The following PIK3C2A variants were observed in gnomAD, a reference collection of about 807,000 sequenced individuals.
The protein encoded by PIK3C2A is phosphatidylinositol 4-phosphate 3-kinase C2 domain-containing subunit alpha.
A neutral mutation model predicts 204.5 loss-of-function variants in PIK3C2A; 97 were observed. The ratio of observed to expected loss-of-function variants is 0.47; its 90% confidence interval spans 0.40 to 0.56. The LOEUF is 0.56. PIK3C2A is among the 20% of genes least tolerant of loss of function. PIK3C2A has a pLI of 0.00. For missense variants in PIK3C2A, 1,735 were observed against 1,969.2 expected (o/e 0.88, Z 2.25); for synonymous variants, 653 against 664.4 (o/e 0.98, Z 0.26).
intron 1 of PIK3C2A, among the ~76,000 whole-genome samples, chr11:17,205,601 A>G (rs1468381817): frequency 3.9e-5 from 6 of 151,932 alleles, no homozygotes; most frequent in African/African-American, 1.4e-4. Flanking sequence ...GAAATTCAAC[A>G]CTCTTTAGGT....
At chr11:17,154,206 G>A (rs1850512765) in intron 3 of PIK3C2A, among the ~76,000 whole-genome samples, 1 of 152,094 alleles carries the variant, frequency 6.6e-6, no homozygotes, top group Non-Finnish European at 1.5e-5. Context: ...TTCTCAACTT[G>A]CAAAGCTTAA....
chr11:17,113,358 G>A (rs1473649119), intron 20 of PIK3C2A, among the ~76,000 whole-genome samples: 14 of 152,050 alleles, frequency 9.2e-5, no homozygotes, highest in African/African-American at 2.9e-4. Context: ...AGAACACAAC[G>A]TCTTGTGATA....
intron 20 of PIK3C2A, among the ~76,000 whole-genome samples, chr11:17,113,334 C>T (rs551954724): frequency 6.6e-6 from 1 of 152,222 alleles, no homozygotes; most frequent in South Asian, 2.1e-4. Flanking sequence ...TTGTAAATGT[C>T]TTAATCCATC....
rs1299885133 is a variant in PIK3C2A at position 17,168,890 on chromosome 11, C to G, written c.852G>C (p.Val284=). 1.2e-6 allele frequency: 2 copies of G among 1,614,008 alleles called. No individual in the cohort carries two copies. Among genetic ancestry groups the G allele is most frequent in the Non-Finnish European group, 1.7e-6 (2 of 1,180,006 alleles). ...DPLSKPKVDN[V]EVLDHEEEKN... ...TCTCTTCCTCATGGTCTAATACCTC[C>G]ACATTATCCACCTTAGGCTTACTTA... is the stretch of plus-strand genomic sequence containing the variant. Residue 284 remains valine (V), a synonymous_variant, in exon 2 of 33, where the codon GTG becomes GTC. Coordinates refer to ENST00000691414, the MANE Select transcript of PIK3C2A (RefSeq NM_002645.4).
chr11:17,122,440 C>T, intron 14 of PIK3C2A, 107 bp from the exon 15 acceptor site: 1 of 708,788 alleles, frequency 1.4e-6, no homozygotes, highest in South Asian at 1.8e-5. Flanking sequence ...GGCATATTTA[C>T]ATTGAATATT....
At chr11:17,126,783 C>A (rs927253574) in intron 13 of PIK3C2A, among the ~76,000 whole-genome samples, 1 of 152,112 alleles carries the variant, frequency 6.6e-6, no homozygotes, top group Non-Finnish European at 1.5e-5. Flanking sequence ...TGGATGCAAA[C>A]TATTTAAATG....
intron 16 of PIK3C2A, 75 bp downstream of exon 16, chr11:17,119,711 G>A: frequency 1.2e-6 from 1 of 849,658 alleles, no homozygotes; most frequent in Non-Finnish European, 1.8e-6. Context: ...TAAAAGGAAA[G>A]GAAATACTTC....
intron 2 of PIK3C2A, among the ~76,000 whole-genome samples, chr11:17,162,464 C>A (rs1407423421): frequency 6.6e-6 from 1 of 152,148 alleles, no homozygotes; most frequent in Admixed American, 6.5e-5. Flanking sequence ...CCTAAACCTG[C>A]CTCCTAACAC....
chr11:17,100,353 A>C (rs1013421777), intron 25 of PIK3C2A, among the ~76,000 whole-genome samples: 1 of 150,630 alleles, frequency 6.6e-6, no homozygotes, highest in Non-Finnish European at 1.5e-5. Flanking sequence ...AGTTGGGATT[A>C]CAGATACGTA....
chr11:17,166,968 C>G (rs1210105466), intron 2 of PIK3C2A, among the ~76,000 whole-genome samples: 2 of 152,050 alleles, frequency 1.3e-5, no homozygotes, highest in Admixed American at 6.6e-5. Flanking sequence ...GTGCCTTCCC[C>G]CCAACTGCCC....
chr11:17,105,306 CT>C lies in PIK3C2A; in HGVS notation c.3545-2del. ...GAAGCAGGAACCAGCTCCACCATGCCTTTAATGATAAAATATTAAGCTATGT... is the reference window on the plus strand; with the variant it reads ...GAAGCAGGAACCAGCTCCACCATGCCTTAATGATAAAATATTAAGCTATGT... On this transcript the variant is annotated splice_acceptor_variant, in intron 22 of 32. Transcript: ENST00000691414. LOFTEE classifies it high-confidence loss of function. 6.2e-7 allele frequency: 1 copy of C among 1,603,806 alleles called. No homozygotes were observed. The highest frequency in any genetic ancestry group is 8.5e-7 in the Non-Finnish European group (1 of 1,176,280).
intron 6 of PIK3C2A, among the ~76,000 whole-genome samples, chr11:17,146,441 G>A (rs904689411): frequency 1.5e-4 from 23 of 152,008 alleles, no homozygotes; most frequent in African/African-American, 5.6e-4. Context: ...GACAGGGCGC[G>A]GTGGCTCACG....
At chr11:17,099,420 G>A (rs560792122) in intron 26 of PIK3C2A, among the ~76,000 whole-genome samples, 4 of 152,244 alleles carry the variant, frequency 2.6e-5, no homozygotes, top group South Asian at 2.1e-4. Context: ...AGTGGTGTGC[G>A]CCTGTAGTCC....
intron 1 of PIK3C2A, among the ~76,000 whole-genome samples, chr11:17,189,307 GT>G (rs1851861099): frequency 6.8e-6 from 1 of 146,944 alleles, no homozygotes; most frequent in Non-Finnish European, 1.5e-5. Context: ...GTTCTCCTTT[GT>G]TTTATAGAAG....
At chr11:17,176,650 T>C (rs137925076) in intron 1 of PIK3C2A, among the ~76,000 whole-genome samples, 306 of 151,922 alleles carry the variant, frequency 2.0e-3, no homozygotes, top group African/African-American at 7.1e-3. Flanking sequence ...TTTGGATGTG[T>C]TGGAGCATGC....
At chr11:17,103,891 T>A (rs1295292348) in intron 23 of PIK3C2A, among the ~76,000 whole-genome samples, 1 of 152,206 alleles carries the variant, frequency 6.6e-6, no homozygotes, top group Non-Finnish European at 1.5e-5. Context: ...TCACCAGGAA[T>A]CACAAAAGGG....
Position 17,161,322 on chromosome 11 carries a change from C to T in PIK3C2A, c.1066-5693G>A, listed in dbSNP as rs373779617. Among the ~76,000 whole-genome samples the T allele has an allele frequency of 1.3e-3, 197 of 152,264 alleles. 6 individuals are homozygous for T. In the South Asian group the frequency reaches 0.026, roughly 20 times the overall value. On this transcript the variant is annotated intron_variant, in intron 2 of 32. Transcript: ENST00000691414. ...AACTTATATTTACTGTTCAAATATA[C>T]TCAGTCAGACTATGAAAATCACATT...
chr11:17,098,861 G>C (rs2137278273), intron 26 of PIK3C2A, among the ~76,000 whole-genome samples: 1 of 152,288 alleles, frequency 6.6e-6, no homozygotes, highest in Middle Eastern at 3.4e-3. Flanking sequence ...TCAGTAACCA[G>C]CCTGATCACC....
chr11:17,178,479 A>T (rs1851414738), intron 1 of PIK3C2A, among the ~76,000 whole-genome samples: 1 of 152,198 alleles, frequency 6.6e-6, no homozygotes, highest in Non-Finnish European at 1.5e-5. Context: ...CGCCAATAAA[A>T]TACCTCAAAT....
Sources: gnomAD v4.1 joint callset for allele counts (sites outside exome capture counted in the v4.1 genomes callset) on GRCh38, gnomAD v4.1.1 for gene constraint, MANE v1.5 for transcripts, NCBI Gene and HGNC (gene_info 2026-07-23, HGNC 2026-07-21) for gene names.